Variants in KHDRBS2 observed in about 807,000 individuals in gnomAD.
KHDRBS2 encodes KH domain-containing, RNA-binding, signal transduction-associated protein 2.
In KHDRBS2, 26 loss-of-function variants were observed where a neutral mutation model predicts 44.3. That is an observed-to-expected ratio of 0.59 (90% confidence interval 0.43 to 0.81). KHDRBS2 has a LOEUF of 0.81. KHDRBS2 is among the 40% of genes least tolerant of loss of function. The pLI is 0.00. For synonymous variants in KHDRBS2, 194 were observed against 151.1 expected, an observed-to-expected ratio of 1.28 and a Z score of -2.08; for missense variants, 476 against 433.1, an observed-to-expected ratio of 1.10 and a Z score of -0.88.
In KHDRBS2 at chr6:61,753,939, A is replaced by T. The variant is rs145336825; in HGVS notation, c.811-21175T>A. Among the ~76,000 whole-genome samples the T allele has an allele frequency of 4.3e-3, 658 of 152,206 alleles. 2 individuals are homozygous for T. The highest frequency in any genetic ancestry group is 0.015 in the African/African-American group (624 of 41,532). ...GGGAGATAAGACATGTGGAAAAAAG[A>T]TGGAGATAGAAATTGGAGTGTGATG... On this transcript the variant is annotated intron_variant, in intron 6 of 8. Transcript: ENST00000281156.
At chr6:62,195,713 T>C (rs1381483572) in intron 1 of KHDRBS2, among the ~76,000 whole-genome samples, 2 of 152,048 alleles carry the variant, frequency 1.3e-5, no homozygotes, top group South Asian at 2.1e-4. Context: ...GAATGACATA[T>C]ATAAAAATAC....
chr6:62,174,418 T>C (rs1820691394), intron 2 of KHDRBS2, among the ~76,000 whole-genome samples: 1 of 151,540 alleles, frequency 6.6e-6, no homozygotes, highest in Non-Finnish European at 1.5e-5. Flanking sequence ...GAAAAACTGC[T>C]CAAAATAATT....
intron 4 of KHDRBS2, among the ~76,000 whole-genome samples, chr6:61,976,025 A>C (rs1397320228): frequency 6.6e-6 from 1 of 152,188 alleles, no homozygotes; most frequent in Non-Finnish European, 1.5e-5. Context: ...ATGAATAAGA[A>C]GTTAGACATA....
intron 6 of KHDRBS2, among the ~76,000 whole-genome samples, chr6:61,780,720 G>C (rs1345768405): frequency 4.6e-5 from 7 of 152,004 alleles, no homozygotes; most frequent in Non-Finnish European, 7.4e-5. Flanking sequence ...ATTTAATTAT[G>C]GATCTTCTTT....
At chr6:62,149,304 C>A (rs1332080493) in intron 2 of KHDRBS2, among the ~76,000 whole-genome samples, 2 of 152,056 alleles carry the variant, frequency 1.3e-5, no homozygotes, top group Admixed American at 6.6e-5. Context: ...AATGAATAAT[C>A]CTATCCCTTC....
At chr6:62,228,659 G>A (rs1208339591) in intron 1 of KHDRBS2, among the ~76,000 whole-genome samples, 2 of 151,922 alleles carry the variant, frequency 1.3e-5, no homozygotes, top group Admixed American at 1.3e-4. Flanking sequence ...GCTTTCTTAT[G>A]TGGGCATTTA....
chr6:61,574,394 C>T, the KHDRBS2 span: 8 of 1,523,868 alleles, frequency 5.2e-6, no homozygotes, highest in South Asian at 4.8e-5. Context: ...CGTGAAGAGG[C>T]GGACATAATA....
intron 3 of KHDRBS2, among the ~76,000 whole-genome samples, chr6:62,013,264 T>A (rs1158779169): frequency 6.6e-6 from 1 of 152,200 alleles, no homozygotes; most frequent in Non-Finnish European, 1.5e-5. Flanking sequence ...CTAGAAAATA[T>A]GATGTGTACC....
At chr6:62,075,577 T>A (rs1366030529) in intron 2 of KHDRBS2, among the ~76,000 whole-genome samples, 1 of 151,780 alleles carries the variant, frequency 6.6e-6, no homozygotes, top group African/African-American at 2.4e-5. Context: ...AGGATTGGGG[T>A]TTCAATGTAT....
At chr6:62,101,281 A>G (rs1471470401) in intron 2 of KHDRBS2, among the ~76,000 whole-genome samples, 1 of 152,152 alleles carries the variant, frequency 6.6e-6, no homozygotes, top group Admixed American at 6.5e-5. Flanking sequence ...CAAGATATCA[A>G]CATCCACAGT....
chr6:62,082,412 C>G (rs540539633), intron 2 of KHDRBS2, among the ~76,000 whole-genome samples: 2 of 151,432 alleles, frequency 1.3e-5, no homozygotes, highest in Non-Finnish European at 2.9e-5. Flanking sequence ...AAAGTGGTTT[C>G]TTTTTGTCTT....
chr6:62,178,293 C>T (rs1821552671), intron 1 of KHDRBS2, among the ~76,000 whole-genome samples: 1 of 151,480 alleles, frequency 6.6e-6, no homozygotes, highest in African/African-American at 2.4e-5. Flanking sequence ...GCTTTGCTTG[C>T]TCTTGGAATA....
intron 6 of KHDRBS2, among the ~76,000 whole-genome samples, chr6:61,845,690 CTACTGGTTGGTTAG>C (rs1794304073): frequency 6.6e-6 from 1 of 152,212 alleles, no homozygotes; most frequent in Non-Finnish European, 1.5e-5. Flanking sequence ...CACTAAACTA[CTACTGGTTGGTTAG>C]GTCGTTGGTG....
At chr6:61,572,594 C>T in the KHDRBS2 span, among the ~76,000 whole-genome samples, 852 of 152,154 alleles carry the variant, frequency 5.6e-3, 7 homozygotes, top group Non-Finnish European at 0.01. Context: ...TAACCAAATC[C>T]AAAAGCATAT....
chr6:61,584,719 A>G, the KHDRBS2 span, among the ~76,000 whole-genome samples: 4 of 151,992 alleles, frequency 2.6e-5, no homozygotes, highest in South Asian at 2.1e-4. Flanking sequence ...TTGTTTAGTC[A>G]TCCTACATAA....
chr6:62,275,526 C>G (rs9294843), intron 1 of KHDRBS2, among the ~76,000 whole-genome samples: 1 of 152,196 alleles, frequency 6.6e-6, no homozygotes, highest in Non-Finnish European at 1.5e-5. Flanking sequence ...CATCTACTGT[C>G]TGCATTTTAT....
chr6:61,954,440 C>A (rs563404548), intron 4 of KHDRBS2, among the ~76,000 whole-genome samples: 24 of 137,836 alleles, frequency 1.7e-4, no homozygotes, highest in Non-Finnish European at 2.6e-4. Flanking sequence ...TGCATGCATA[C>A]ATATATACGT....
At chr6:62,266,944 A>G (rs551321048) in intron 1 of KHDRBS2, among the ~76,000 whole-genome samples, 1 of 152,152 alleles carries the variant, frequency 6.6e-6, no homozygotes, top group Admixed American at 6.6e-5. Flanking sequence ...TTAGAAATTA[A>G]TAAGGTTTGT....
At chr6:61,925,449 C>A (rs1808776073) in intron 4 of KHDRBS2, among the ~76,000 whole-genome samples, 1 of 152,142 alleles carries the variant, frequency 6.6e-6, no homozygotes, top group Non-Finnish European at 1.5e-5. Flanking sequence ...GGCACAGTGG[C>A]TCACACCTCT....
Sources: gnomAD v4.1 joint callset for allele counts (sites outside exome capture counted in the v4.1 genomes callset) on GRCh38, gnomAD v4.1.1 for gene constraint, MANE v1.5 for transcripts, NCBI Gene and HGNC (gene_info 2026-07-23, HGNC 2026-07-21) for gene names.